CTNNA3: variants seen among roughly 807,000 people sequenced by gnomAD.
CTNNA3 encodes the protein catenin alpha-3.
In CTNNA3, 76 loss-of-function variants were observed where a neutral mutation model predicts 95.7. The observed-to-expected ratio is 0.79, with a 90% CI of 0.66 to 0.96. The LOEUF (loss-of-function observed/expected upper bound fraction) is 0.96. Ranked by LOEUF, CTNNA3 falls within the 40% of genes least tolerant of loss-of-function variation. CTNNA3 has a pLI of 0.00. For synonymous variants in CTNNA3, 431 were observed against 374.4 expected, an observed-to-expected ratio of 1.15 and a Z score of -1.74; for missense variants, 1,191 against 1,089.8, an observed-to-expected ratio of 1.09 and a Z score of -1.31.
intron 12 of CTNNA3, among the ~76,000 whole-genome samples, chr10:66,296,209 A>T (rs2091774379): frequency 6.6e-6 from 1 of 152,156 alleles, no homozygotes; most frequent in South Asian, 2.1e-4. Flanking sequence ...ACAGATTTTT[A>T]AAGATTTATA....
intron 12 of CTNNA3, among the ~76,000 whole-genome samples, chr10:66,377,874 C>T (rs2092807115): frequency 6.6e-6 from 1 of 151,966 alleles, no homozygotes; most frequent in African/African-American, 2.4e-5. Context: ...CTACTATGTG[C>T]CCTATTGATA....
chr10:67,104,142 G>T (rs1434178955), intron 7 of CTNNA3, among the ~76,000 whole-genome samples: 1 of 151,688 alleles, frequency 6.6e-6, no homozygotes, highest in Non-Finnish European at 1.5e-5. Flanking sequence ...AAAGAGGTCA[G>T]GTTGCCAATT....
chr10:66,415,300 C>T (rs1340868364), intron 11 of CTNNA3, among the ~76,000 whole-genome samples: 1 of 149,962 alleles, frequency 6.7e-6, no homozygotes, highest in Non-Finnish European at 1.5e-5. Context: ...CCACTCCTCT[C>T]GGGGACCTGA....
chr10:67,117,988 C>A (rs1859271471), intron 7 of CTNNA3, among the ~76,000 whole-genome samples: 1 of 151,932 alleles, frequency 6.6e-6, no homozygotes, highest in Non-Finnish European at 1.5e-5. Context: ...CACATTACAG[C>A]AAATAATCAA....
intron 10 of CTNNA3, among the ~76,000 whole-genome samples, chr10:66,545,659 A>C (rs751727669): frequency 6.6e-5 from 10 of 152,032 alleles, no homozygotes; most frequent in Non-Finnish European, 1.5e-4. Context: ...GCAACATATG[A>C]GTATTTTTGA....
intron 17 of CTNNA3, among the ~76,000 whole-genome samples, chr10:65,928,013 G>A (rs73304097): frequency 2.6e-5 from 4 of 152,136 alleles, no homozygotes; most frequent in Non-Finnish European, 5.9e-5. Flanking sequence ...AGCATAAAGA[G>A]AAATGTCACT....
intron 5 of CTNNA3, among the ~76,000 whole-genome samples, chr10:67,234,333 T>C (rs1187570354): frequency 2.0e-5 from 3 of 152,306 alleles, no homozygotes; most frequent in African/African-American, 7.2e-5. Flanking sequence ...GTGGGCTTCA[T>C]CCCTGGGATG....
intron 7 of CTNNA3, among the ~76,000 whole-genome samples, chr10:66,889,117 GA>G (rs113129974): frequency 0.029 from 4,425 of 152,264 alleles, 106 homozygotes; most frequent in African/African-American, 0.065. Flanking sequence ...AAGGCAACCT[GA>G]AAAGGCTTCA....
At chr10:67,055,283 T>C (rs1246315072) in intron 7 of CTNNA3, among the ~76,000 whole-genome samples, 1 of 152,196 alleles carries the variant, frequency 6.6e-6, no homozygotes, top group Non-Finnish European at 1.5e-5. Flanking sequence ...TTAAAACTTC[T>C]CATAATTTCC....
At chr10:67,039,080 G>A (rs1288234673) in intron 7 of CTNNA3, among the ~76,000 whole-genome samples, 1 of 151,976 alleles carries the variant, frequency 6.6e-6, no homozygotes. Flanking sequence ...TATTTTTACA[G>A]TTTCTACCTG....
chr10:67,013,155 C>G (rs1467287268), intron 7 of CTNNA3: 1 of 152,080 alleles, frequency 6.6e-6, no homozygotes, highest in Non-Finnish European at 1.5e-5. Context: ...GGTGAAAAGA[C>G]TAAAGTCAAA....
chr10:66,897,433 A>T (rs1278047784), intron 7 of CTNNA3, among the ~76,000 whole-genome samples: 1 of 152,148 alleles, frequency 6.6e-6, no homozygotes, highest in African/African-American at 2.4e-5. Context: ...TAATTATTAA[A>T]CAAAATTAAT....
In CTNNA3 at chr10:66,781,357, G is replaced by A. The variant is rs61146077; in HGVS notation, c.1048-5833C>T. On this transcript the variant is annotated intron_variant, in intron 7 of 17. Transcript: ENST00000433211. ...AACTTAGTTCTTCTCTAAAGAAATT[G>A]CTTGAAAAATAGTTTATGCTTAGCA... Among the ~76,000 whole-genome samples the A allele has an allele frequency of 8.8e-3, 1,341 of 152,188 alleles. 19 individuals are homozygous for A. The highest frequency in any genetic ancestry group is 0.031 in the African/African-American group (1,280 of 41,524).
chr10:65,978,424 G>A (rs1275603697), intron 16 of CTNNA3, among the ~76,000 whole-genome samples: 3 of 146,388 alleles, frequency 2.0e-5, no homozygotes, highest in Non-Finnish European at 3.0e-5. Context: ...AGACTGTATT[G>A]TAAGCATTTT....
rs191405818 is a variant in CTNNA3 at position 66,397,502 on chromosome 10, A to C, written c.1532-18150T>G. 4.1e-3 allele frequency among the ~76,000 whole-genome samples: 617 copies of C among 151,984 alleles called. 4 individuals are homozygous for C. The highest frequency in any genetic ancestry group is 7.7e-3 in the South Asian group (37 of 4,830). The stretch of plus-strand genomic sequence containing the variant: ...TTAATTAGTACTCATATATATATTC[A>C]CATGGTATATTCATTCATTCAATAT... On this transcript the variant is annotated intron_variant, in intron 11 of 17. Transcript: ENST00000433211.
chr10:67,226,664 A>C (rs1427112207), intron 5 of CTNNA3, among the ~76,000 whole-genome samples: 3 of 152,242 alleles, frequency 2.0e-5, no homozygotes, highest in African/African-American at 7.2e-5. Flanking sequence ...TTTTTCAGAC[A>C]AACAAATGCT....
intron 11 of CTNNA3, among the ~76,000 whole-genome samples, chr10:66,446,984 A>G (rs1438132823): frequency 2.0e-5 from 3 of 151,838 alleles, no homozygotes; most frequent in Non-Finnish European, 2.9e-5. Flanking sequence ...AAGTCTCAGG[A>G]TACAAAATCA....
chr10:66,849,624 G>A (rs558348385), intron 7 of CTNNA3, among the ~76,000 whole-genome samples: 9 of 152,224 alleles, frequency 5.9e-5, no homozygotes, highest in African/African-American at 2.2e-4. Flanking sequence ...AGGAAACAGA[G>A]AGACATACAG....
intron 7 of CTNNA3, among the ~76,000 whole-genome samples, chr10:66,841,278 A>C (rs903317051): frequency 1.3e-5 from 2 of 152,160 alleles, no homozygotes; most frequent in Non-Finnish European, 2.9e-5. Context: ...ATACTGTTTA[A>C]AGTATTTTGA....
Sources: gnomAD v4.1 joint callset for allele counts (sites outside exome capture counted in the v4.1 genomes callset) on GRCh38, gnomAD v4.1.1 for gene constraint, MANE v1.5 for transcripts, NCBI Gene and HGNC (gene_info 2026-07-23, HGNC 2026-07-21) for gene names.